BASP1: variants seen among roughly 807,000 people sequenced by gnomAD.
BASP1 encodes the protein brain acid soluble protein 1.
A neutral mutation model predicts 2.2 loss-of-function variants in BASP1; 1 was observed. The observed-to-expected ratio is 0.46, with a 90% CI of 0.16 to 2.17. BASP1 has a LOEUF of 2.17. BASP1 is among the 30% of genes most tolerant of loss of function. The pLI is 0.27. For synonymous variants in BASP1, 187 were observed against 154.2 expected (o/e 1.21, Z -1.58); for missense variants, 352 against 327.2 (o/e 1.08, Z -0.58).
intron 1 of BASP1, among the ~76,000 whole-genome samples, chr5:17,239,385 AC>A (rs996809497): frequency 6.6e-6 from 1 of 152,058 alleles, no homozygotes; most frequent in African/African-American, 2.4e-5. Flanking sequence ...GAGCCACTGC[AC>A]CCGGCCCAGC....
chr5:17,217,097 T>TGAGTGAGA (rs1298502796), upstream of BASP1: 1 of 90,796 alleles, frequency 1.1e-5, no homozygotes, highest in East Asian at 3.0e-4. Context: ...AGAGAGAGAG[T>TGAGTGAGA]GAGTGAGAGA....
At chr5:17,262,849 TC>T (rs201934532) in intron 1 of BASP1, among the ~76,000 whole-genome samples, 6,657 of 150,310 alleles carry the variant, frequency 0.044, 468 homozygotes, top group African/African-American at 0.15. Context: ...GATCAAATCT[TC>T]TTTTTTTTTT....
At chr5:17,232,865 A>G (rs1387879178) in intron 1 of BASP1, among the ~76,000 whole-genome samples, 1 of 152,078 alleles carries the variant, frequency 6.6e-6, no homozygotes, top group Non-Finnish European at 1.5e-5. Flanking sequence ...CAGCCATCGG[A>G]CTTAGTTTTA....
intron 1 of BASP1, among the ~76,000 whole-genome samples, chr5:17,244,926 C>G (rs190574168): frequency 6.6e-6 from 1 of 150,674 alleles, no homozygotes; most frequent in South Asian, 2.1e-4. Flanking sequence ...CCACCCGCCT[C>G]GGCCTCCCAA....
chr5:17,259,650 A>G (rs1002612484), intron 1 of BASP1, among the ~76,000 whole-genome samples: 10 of 152,172 alleles, frequency 6.6e-5, no homozygotes, highest in Admixed American at 2.6e-4. Context: ...AATATGTAAG[A>G]ATTTTAGGTG....
intron 1 of BASP1, among the ~76,000 whole-genome samples, chr5:17,232,612 C>T (rs1211360763): frequency 6.6e-6 from 1 of 152,192 alleles, no homozygotes; most frequent in Non-Finnish European, 1.5e-5. Context: ...GGTCATGTGA[C>T]ATCATGCTGT....
chr5:17,273,001 G>C (rs1275659276), intron 1 of BASP1, among the ~76,000 whole-genome samples: 2 of 152,148 alleles, frequency 1.3e-5, no homozygotes, highest in African/African-American at 4.8e-5. Flanking sequence ...CTTAGTGTCT[G>C]TAATTTCTAA....
At chr5:17,225,579 G>A (rs1218849789) in intron 1 of BASP1, among the ~76,000 whole-genome samples, 1 of 152,212 alleles carries the variant, frequency 6.6e-6, no homozygotes, top group African/African-American at 2.4e-5. Flanking sequence ...CACAGTGGTT[G>A]GGGGCTGGGA....
chr5:17,264,954 G>A (rs1214427447), intron 1 of BASP1, among the ~76,000 whole-genome samples: 1 of 152,146 alleles, frequency 6.6e-6, no homozygotes, highest in Non-Finnish European at 1.5e-5. Flanking sequence ...GATATAAATA[G>A]GAATGGCATG....
chr5:17,217,079 A>AGAGAGAGAGAGAGAGT, upstream of BASP1: 1 of 144,078 alleles, frequency 6.9e-6, no homozygotes, highest in Non-Finnish European at 1.5e-5. Context: ...AGTGAGAGAG[A>AGAGAGAGAGAGAGAGT]GAGAGAGAGA....
intron 1 of BASP1, among the ~76,000 whole-genome samples, chr5:17,242,964 T>G (rs1439652651): frequency 6.6e-6 from 1 of 152,076 alleles, no homozygotes; most frequent in Non-Finnish European, 1.5e-5. Flanking sequence ...GTAAAATGTT[T>G]TTTAAGTGTT....
At chr5:17,230,252 A>G (rs993195887) in intron 1 of BASP1, among the ~76,000 whole-genome samples, 3 of 152,196 alleles carry the variant, frequency 2.0e-5, no homozygotes, top group African/African-American at 7.2e-5. Flanking sequence ...ACGGTGGAAC[A>G]GATTTTACTG....
At position 17,273,724 on chromosome 5, in the gene BASP1, TGTACA is replaced by T. The variant is rs368909674; in HGVS notation, c.-9-1481_-9-1477del. Among the ~76,000 whole-genome samples the T allele has an allele frequency of 4.9e-4, 75 of 152,312 alleles. No individual in the cohort carries two copies. The Middle Eastern group carries it at 0.014, about 28-fold the overall frequency. On this transcript the variant is annotated intron_variant, in intron 1 of 1. Transcript: ENST00000322611. ...TATTTGCAAAGCTGGCAAAGGAGTG[TGTACA>T]GTTCTGCCAGTGGACCTGACCTGGG...
At chr5:17,229,522 C>T (rs538419825) in intron 1 of BASP1, among the ~76,000 whole-genome samples, 1 of 152,084 alleles carries the variant, frequency 6.6e-6, no homozygotes, top group African/African-American at 2.4e-5. Context: ...CAGTCAATGA[C>T]CTATTGTTTC....
intron 1 of BASP1, among the ~76,000 whole-genome samples, chr5:17,225,580 G>A (rs1739483928): frequency 6.6e-6 from 1 of 152,184 alleles, no homozygotes; most frequent in South Asian, 2.1e-4. Flanking sequence ...ACAGTGGTTG[G>A]GGGCTGGGAA....
intron 1 of BASP1, among the ~76,000 whole-genome samples, chr5:17,219,735 A>G (rs1184318260): frequency 6.6e-6 from 1 of 152,204 alleles, no homozygotes; most frequent in Non-Finnish European, 1.5e-5. Context: ...ACCGGAGAGA[A>G]GAAAACGATT....
intron 1 of BASP1, among the ~76,000 whole-genome samples, chr5:17,234,886 T>G (rs906695463): frequency 2.6e-5 from 4 of 152,230 alleles, no homozygotes; most frequent in African/African-American, 9.6e-5. Flanking sequence ...CAGTGAGATA[T>G]TCAATTGGCT....
intron 1 of BASP1, among the ~76,000 whole-genome samples, chr5:17,242,848 T>A (rs1422721820): frequency 4.2e-5 from 6 of 143,480 alleles, no homozygotes; most frequent in Non-Finnish European, 3.1e-5. Context: ...CAACTCAGTT[T>A]AAAAAAAAAA....
chr5:17,223,077 T>G (rs1050095920), intron 1 of BASP1, among the ~76,000 whole-genome samples: 1 of 152,006 alleles, frequency 6.6e-6, no homozygotes, highest in African/African-American at 2.4e-5. Flanking sequence ...CATTGGTTTG[T>G]GTTTTGAACT....
Sources: allele counts gnomAD v4.1 joint callset (sites outside exome capture counted in the v4.1 genomes callset), GRCh38; gene constraint gnomAD v4.1.1; transcripts MANE v1.5; gene names NCBI Gene and HGNC (gene_info 2026-07-23, HGNC 2026-07-21).